The following CSMD1 variants were observed in gnomAD, a reference collection of about 807,000 sequenced individuals.
The protein encoded by CSMD1 is CUB and sushi domain-containing protein 1.
Under a neutral mutation model 417.5 loss-of-function variants are expected in CSMD1, and 213 were observed. That is an observed-to-expected ratio of 0.51 (90% CI 0.46 to 0.57). The LOEUF (loss-of-function observed/expected upper bound fraction) is 0.57, where lower values mean the gene tolerates loss of function less well. Ranked by LOEUF, CSMD1 falls within the 20% of genes least tolerant of loss-of-function variation. The pLI is 0.00. For synonymous variants in CSMD1, 2,862 were observed against 1,736.8 expected (o/e 1.65, Z -16.11); for missense variants, 6,923 against 4,529.7 (o/e 1.53, Z -15.17).
At chr8:4,584,612 C>G (rs959264905) in intron 2 of CSMD1, among the ~76,000 whole-genome samples, 2 of 152,076 alleles carry the variant, frequency 1.3e-5, no homozygotes, top group Non-Finnish European at 2.9e-5. Flanking sequence ...GAGAGGAAAG[C>G]CATGCAGCTC....
At chr8:2,987,926 T>A (rs1217207338) in intron 54 of CSMD1, among the ~76,000 whole-genome samples, 3 of 152,200 alleles carry the variant, frequency 2.0e-5, no homozygotes, top group Admixed American at 6.5e-5. Flanking sequence ...ATGTGCAGGA[T>A]GTGCAGGTTT....
chr8:3,901,605 T>C (rs904646362), intron 5 of CSMD1, among the ~76,000 whole-genome samples: 7 of 152,246 alleles, frequency 4.6e-5, no homozygotes, highest in Admixed American at 4.6e-4. Context: ...GATCTTTTGA[T>C]AGTTTCTCTG....
intron 5 of CSMD1, among the ~76,000 whole-genome samples, chr8:3,799,598 G>A (rs1240138186): frequency 1.3e-5 from 2 of 151,508 alleles, no homozygotes; most frequent in East Asian, 3.9e-4. Flanking sequence ...ACTTTTCATT[G>A]GTACAGTAAA....
chr8:4,643,772 C>G (rs1453750196), intron 1 of CSMD1, among the ~76,000 whole-genome samples: 1 of 152,144 alleles, frequency 6.6e-6, no homozygotes, highest in African/African-American at 2.4e-5. Flanking sequence ...ATTCCAGGGT[C>G]TGCATTATGG....
At chr8:4,455,929 C>CA (rs71207091) in intron 2 of CSMD1, among the ~76,000 whole-genome samples, 526 of 11,630 alleles carry the variant, frequency 0.045, 138 homozygotes, top group Non-Finnish European at 0.07. Flanking sequence ...ACTCCAACTC[C>CA]AAAAAAAAAA....
chr8:2,992,684 C>A (rs988792465), intron 54 of CSMD1, among the ~76,000 whole-genome samples: 38 of 152,120 alleles, frequency 2.5e-4, no homozygotes, highest in African/African-American at 9.2e-4. Flanking sequence ...CTCAGCCTCC[C>A]AAAGTGCTGT....
intron 1 of CSMD1, among the ~76,000 whole-genome samples, chr8:4,821,963 GAGAA>G (rs1799549463): frequency 6.6e-6 from 1 of 151,986 alleles, no homozygotes; most frequent in African/African-American, 2.4e-5. Context: ...AAGCTTCTCA[GAGAA>G]TACTACGTAA....
chr8:4,177,256 A>G (rs1239437405), intron 3 of CSMD1, among the ~76,000 whole-genome samples: 5 of 152,216 alleles, frequency 3.3e-5, no homozygotes, highest in Admixed American at 6.5e-5. Context: ...CAATCAAGCT[A>G]GAACTCAGGA....
At chr8:3,674,827 T>C (rs964637833) in intron 7 of CSMD1, among the ~76,000 whole-genome samples, 5 of 152,198 alleles carry the variant, frequency 3.3e-5, no homozygotes, top group Non-Finnish European at 5.9e-5. Flanking sequence ...GCACTGAAGT[T>C]ATCAGGGCAC....
intron 17 of CSMD1, among the ~76,000 whole-genome samples, chr8:3,391,427 T>C (rs960078419): frequency 3.3e-5 from 5 of 152,230 alleles, no homozygotes; most frequent in African/African-American, 1.2e-4. Context: ...TCTTACAAAA[T>C]TATGACAATT....
At chr8:3,073,305 A>G (rs113009772) in intron 49 of CSMD1, among the ~76,000 whole-genome samples, 24 of 152,054 alleles carry the variant, frequency 1.6e-4, no homozygotes, top group African/African-American at 5.8e-4. Flanking sequence ...TTTAACATAG[A>G]AAGTAGTTGG....
intron 37 of CSMD1, among the ~76,000 whole-genome samples, chr8:3,175,985 T>G (rs1820911656): frequency 6.6e-6 from 1 of 152,112 alleles, no homozygotes; most frequent in African/African-American, 2.4e-5. Flanking sequence ...GTCTTTTGCT[T>G]GAGTTCAAAC....
intron 3 of CSMD1, among the ~76,000 whole-genome samples, chr8:4,075,207 T>C (rs1014592052): frequency 6.6e-6 from 1 of 152,150 alleles, no homozygotes; most frequent in Non-Finnish European, 1.5e-5. Context: ...ATGTAAATAA[T>C]ATTTCATTCT....
intron 5 of CSMD1, among the ~76,000 whole-genome samples, chr8:3,770,947 G>C (rs978965654): frequency 6.6e-6 from 1 of 152,022 alleles, no homozygotes; most frequent in Non-Finnish European, 1.5e-5. Flanking sequence ...GAATTCAATA[G>C]GAGGTAAGCA....
chr8:4,399,947 G>A (rs1804535786), intron 3 of CSMD1, among the ~76,000 whole-genome samples: 1 of 151,996 alleles, frequency 6.6e-6, no homozygotes, highest in South Asian at 2.1e-4. Flanking sequence ...CCTCATCTAG[G>A]GCTCTCTGGA....
intron 68 of CSMD1, among the ~76,000 whole-genome samples, chr8:2,943,251 A>G (rs1194106814): frequency 1.3e-5 from 2 of 150,514 alleles, no homozygotes; most frequent in Non-Finnish European, 2.9e-5. Flanking sequence ...TTTCTGAGAC[A>G]GAGTCTCACC....
intron 26 of CSMD1, among the ~76,000 whole-genome samples, chr8:3,255,528 T>G (rs903804267): frequency 1.3e-5 from 2 of 152,160 alleles, no homozygotes; most frequent in African/African-American, 4.8e-5. Flanking sequence ...AGTTCGAGCT[T>G]CCCACCTGCT....
chr8:3,488,242 G>A (rs2117276441), intron 11 of CSMD1, among the ~76,000 whole-genome samples: 1 of 151,976 alleles, frequency 6.6e-6, no homozygotes, highest in South Asian at 2.1e-4. Flanking sequence ...AGCTGGGACT[G>A]CAGGCATGCA....
intron 26 of CSMD1, among the ~76,000 whole-genome samples, chr8:3,254,603 C>G (rs1035871294): frequency 1.3e-5 from 2 of 152,292 alleles, no homozygotes; most frequent in South Asian, 4.1e-4. Context: ...CTTCTCTTCT[C>G]ACTTCATTTC....
Sources: gnomAD v4.1 joint callset for allele counts (sites outside exome capture counted in the v4.1 genomes callset) on GRCh38, gnomAD v4.1.1 for gene constraint, MANE v1.5 for transcripts, NCBI Gene and HGNC (gene_info 2026-07-23, HGNC 2026-07-21) for gene names.